Variants in KLF12 observed in about 807,000 individuals in gnomAD.
The protein encoded by KLF12 is Krueppel-like factor 12.
KLF12 carries 9 observed loss-of-function variants against 37.8 expected under a neutral mutation model. The ratio of observed to expected loss-of-function variants is 0.24; its 90% CI spans 0.14 to 0.42. The LOEUF is 0.42. Ranked by LOEUF, KLF12 falls within the 10% of genes least tolerant of loss-of-function variation. The pLI is 1.00. For missense variants in KLF12, 411 were observed against 516.0 expected (o/e 0.80, Z 1.97); for synonymous variants, 208 against 202.1 (o/e 1.03, Z -0.25).
intron 1 of KLF12, among the ~76,000 whole-genome samples, chr13:74,114,999 G>A (rs573869265): frequency 6.6e-6 from 1 of 152,100 alleles, no homozygotes; most frequent in East Asian, 1.9e-4. Flanking sequence ...AATGCCTGAC[G>A]ATCTAAGGTA....
chr13:74,297,095 C>T, the KLF12 span, among the ~76,000 whole-genome samples: 1 of 152,060 alleles, frequency 6.6e-6, no homozygotes, highest in Non-Finnish European at 1.5e-5. Flanking sequence ...TCTTATCAAC[C>T]TCTTGGAAAC....
chr13:74,229,537 G>A, the KLF12 span, among the ~76,000 whole-genome samples: 7 of 152,302 alleles, frequency 4.6e-5, no homozygotes, highest in East Asian at 9.6e-4. Context: ...TGTCAGACTT[G>A]AAAGGGTGAG....
chr13:74,303,910 C>G, the KLF12 span, among the ~76,000 whole-genome samples: 1 of 152,050 alleles, frequency 6.6e-6, no homozygotes, highest in Non-Finnish European at 1.5e-5. Flanking sequence ...GCAATATGTT[C>G]CCTTTAAAAC....
the KLF12 span, among the ~76,000 whole-genome samples, chr13:74,199,263 A>G: frequency 1.1e-4 from 16 of 152,352 alleles, no homozygotes; most frequent in African/African-American, 3.8e-4. Context: ...CAGGTGGAGA[A>G]GAGTGAAAGG....
chr13:73,992,426 A>G (rs1891992916), intron 2 of KLF12, among the ~76,000 whole-genome samples: 1 of 152,262 alleles, frequency 6.6e-6, no homozygotes, highest in Non-Finnish European at 1.5e-5. Flanking sequence ...TTAATGAAGT[A>G]AAGAAAAACT....
intron 3 of KLF12, among the ~76,000 whole-genome samples, chr13:73,905,712 A>G (rs983941189): frequency 4.0e-5 from 6 of 150,612 alleles, no homozygotes; most frequent in African/African-American, 7.4e-5. Context: ...AACTCTGGAT[A>G]TATAATAAAA....
At chr13:74,178,321 GTTTT>G in the KLF12 span, among the ~76,000 whole-genome samples, 3 of 151,900 alleles carry the variant, frequency 2.0e-5, no homozygotes, top group Non-Finnish European at 4.4e-5. Flanking sequence ...AGAAAACAAG[GTTTT>G]TGTTTGTTTG....
chr13:74,050,438 GGA>G (rs1872834637), intron 1 of KLF12, among the ~76,000 whole-genome samples: 1 of 152,124 alleles, frequency 6.6e-6, no homozygotes, highest in African/African-American at 2.4e-5. Context: ...CTTGATATGA[GGA>G]GACAAAGGAC....
rs1361415955 is a variant in KLF12, at chr13:73,801,012, G to A, written c.806+12140C>T. 5.3e-5 allele frequency: 8 copies of A among 152,016 alleles called. No individual in the cohort carries two copies. In the South Asian group the frequency reaches 1.2e-3, roughly 24 times the overall value. 9.4% of individuals were successfully genotyped at this position (152,016 alleles called of 1,614,324 possible). On this transcript the variant is annotated intron_variant, in intron 5 of 7. Transcript: ENST00000377669. ...ATGCATTAGATTTTAACCAGCTGACGACCCTTGGCTATGTGATTGTAAAGG... is the reference window on the plus strand; with the variant it reads ...ATGCATTAGATTTTAACCAGCTGACAACCCTTGGCTATGTGATTGTAAAGG...
the KLF12 span, among the ~76,000 whole-genome samples, chr13:74,172,142 G>C: frequency 2.7e-5 from 4 of 145,960 alleles, no homozygotes; most frequent in Admixed American, 6.9e-5. Context: ...TTTTCCTCAC[G>C]ACACACACAC....
chr13:73,805,483 G>A (rs1450871161), intron 5 of KLF12, among the ~76,000 whole-genome samples: 2 of 151,734 alleles, frequency 1.3e-5, no homozygotes, highest in African/African-American at 4.8e-5. Context: ...CTGGCCTCAC[G>A]GCACACACTT....
At chr13:73,776,743 G>C (rs1880632293) in intron 5 of KLF12, among the ~76,000 whole-genome samples, 1 of 152,106 alleles carries the variant, frequency 6.6e-6, no homozygotes, top group South Asian at 2.1e-4. Flanking sequence ...TAACAAAATA[G>C]CCAAATTAAA....
intron 1 of KLF12, among the ~76,000 whole-genome samples, chr13:74,017,614 G>A (rs1461996693): frequency 8.2e-6 from 1 of 121,284 alleles, no homozygotes; most frequent in African/African-American, 3.2e-5. Flanking sequence ...GCAATAACAG[G>A]ATCATTATCT....
At chr13:73,986,145 T>G (rs746409895) in intron 2 of KLF12, among the ~76,000 whole-genome samples, 41 of 152,210 alleles carry the variant, frequency 2.7e-4, no homozygotes, top group Non-Finnish European at 3.2e-4. Flanking sequence ...AAGGAAAATT[T>G]GTTAGGCCAA....
rs1885000747 is a variant in KLF12 at position 73,846,096 on chromosome 13, G to C, written c.401C>G (p.Ser134Cys). The C allele has an allele frequency of 6.2e-7, 1 of 1,614,002 alleles. No homozygotes were observed. The highest frequency in any genetic ancestry group is 1.3e-5 in the African/African-American group (1 of 74,930). ...TACTGTTGACGAAGATGACGCTGAA[G>C]ATACTGATGTGATAACAGTTGGGGA... is the stretch of plus-strand genomic sequence containing the variant. The change falls in exon 4 of 8, where the codon TCT becomes TGT. Residue 134 changes from serine to cysteine, a missense_variant. By Grantham distance (112) the Ser-to-Cys change is moderately radical. Coordinates refer to ENST00000377669, the MANE Select transcript of KLF12 (RefSeq NM_007249.5).
Position 73,790,221 on chromosome 13 carries a change from C to A in KLF12, c.806+22931G>T, listed in dbSNP as rs1035095373. 3.5e-4 allele frequency among the ~76,000 whole-genome samples: 53 copies of A among 152,236 alleles called. 1 individual carries two copies. Among genetic ancestry groups the A allele is most frequent in the Non-Finnish European group, 6.6e-4 (45 of 68,014 alleles). On this transcript the variant is annotated intron_variant, in intron 5 of 7. Coordinates refer to ENST00000377669, the MANE Select transcript of KLF12 (RefSeq NM_007249.5). ...CATAGTAGCTTCCAAAAACAGGTTGCAAATGTCTATGTCTGACTTTTATAG... is the reference window on the plus strand; with the variant it reads ...CATAGTAGCTTCCAAAAACAGGTTGAAAATGTCTATGTCTGACTTTTATAG...
intron 1 of KLF12, among the ~76,000 whole-genome samples, chr13:74,034,800 G>A (rs1257028881): frequency 6.6e-6 from 1 of 152,218 alleles, no homozygotes. Flanking sequence ...GCTGTATTAA[G>A]ATGCTATAGA....
the KLF12 span, among the ~76,000 whole-genome samples, chr13:74,199,906 C>T: frequency 6.6e-6 from 1 of 152,080 alleles, no homozygotes; most frequent in African/African-American, 2.4e-5. Context: ...TCAGGTATTA[C>T]CTGTGACTGT....
At chr13:73,800,260 A>T (rs537210066) in intron 5 of KLF12, 1 of 152,234 alleles carries the variant, frequency 6.6e-6, no homozygotes, top group South Asian at 2.1e-4. Context: ...CCTAGTAATA[A>T]GGATTTACAT....
Sources: allele counts gnomAD v4.1 joint callset (sites outside exome capture counted in the v4.1 genomes callset), GRCh38; gene constraint gnomAD v4.1.1; transcripts MANE v1.5; gene names NCBI Gene and HGNC (gene_info 2026-07-23, HGNC 2026-07-21).